Variants in KCNJ3 observed in about 807,000 individuals in gnomAD.
KCNJ3 encodes the protein G protein-activated inward rectifier potassium channel 1.
KCNJ3 carries 4 observed loss-of-function variants against 39.2 expected under a neutral mutation model. The ratio of observed to expected loss-of-function variants is 0.10; its 90% CI spans 0.05 to 0.23. The LOEUF is 0.23. KCNJ3 is among the 10% of genes least tolerant of loss of function. The pLI, the probability that KCNJ3 is intolerant of heterozygous loss-of-function variation, is 1.00. For missense variants in KCNJ3, 276 were observed against 634.9 expected (o/e 0.43, Z 6.08); for synonymous variants, 230 against 237.4 (o/e 0.97, Z 0.29).
intron 2 of KCNJ3, among the ~76,000 whole-genome samples, chr2:154,737,913 A>G (rs562342099): frequency 6.6e-6 from 1 of 152,304 alleles, no homozygotes; most frequent in East Asian, 1.9e-4. Context: ...GTATTCAAGA[A>G]GCTCAATAAA....
At chr2:154,777,225 G>A (rs1397705156) in intron 2 of KCNJ3, among the ~76,000 whole-genome samples, 1 of 152,164 alleles carries the variant, frequency 6.6e-6, no homozygotes, top group Non-Finnish European at 1.5e-5. Context: ...TGTTTGAATT[G>A]CATTGCAATA....
intron 2 of KCNJ3, among the ~76,000 whole-genome samples, chr2:154,816,461 G>T (rs1687084732): frequency 6.6e-6 from 1 of 152,110 alleles, no homozygotes; most frequent in South Asian, 2.1e-4. Context: ...TATAGTATAT[G>T]AATAAATGAA....
chr2:154,708,803 C>T (rs577734922), intron 1 of KCNJ3, among the ~76,000 whole-genome samples: 5 of 152,154 alleles, frequency 3.3e-5, no homozygotes, highest in Admixed American at 1.3e-4. Context: ...TGATTTATAC[C>T]GAAACTGAAT....
chr2:154,782,788 G>A (rs760230165), intron 2 of KCNJ3, among the ~76,000 whole-genome samples: 5 of 151,992 alleles, frequency 3.3e-5, no homozygotes, highest in African/African-American at 4.8e-5. Flanking sequence ...TCAGTTGGCC[G>A]GAGTGTATAC....
Position 154,781,016 on chromosome 2 carries a change from G to A in KCNJ3, c.919+71197G>A, listed in dbSNP as rs142167769. Reference sequence around the variant, plus strand: ...CTTGGAAAGGGCTTTCACTGTAATCGCAGTTGGTCCTTAAATGAGGACGAG... The same window carrying A: ...CTTGGAAAGGGCTTTCACTGTAATCACAGTTGGTCCTTAAATGAGGACGAG... On this transcript the variant is annotated intron_variant, in intron 2 of 2. Coordinates refer to ENST00000295101, the MANE Select transcript of KCNJ3 (RefSeq NM_002239.4). Among the ~76,000 whole-genome samples, 1,499 of 152,192 alleles carry A rather than the reference G, an allele frequency of 9.8e-3. 18 individuals are homozygous for A. Among genetic ancestry groups the A allele is most frequent in the Non-Finnish European group, 0.017 (1,141 of 68,010 alleles).
chr2:154,788,826 A>G (rs1422648170), intron 2 of KCNJ3, among the ~76,000 whole-genome samples: 3 of 151,836 alleles, frequency 2.0e-5, no homozygotes, highest in African/African-American at 7.3e-5. Context: ...AATATATTTG[A>G]AAGGATAATT....
chr2:154,741,372 T>A (rs1685651955), intron 2 of KCNJ3, among the ~76,000 whole-genome samples: 1 of 152,052 alleles, frequency 6.6e-6, no homozygotes, highest in East Asian at 1.9e-4. Flanking sequence ...TCAAACTACC[T>A]TTTAAACAAA....
At chr2:154,765,527 A>T (rs978316243) in intron 2 of KCNJ3, among the ~76,000 whole-genome samples, 1 of 152,222 alleles carries the variant, frequency 6.6e-6, no homozygotes, top group Non-Finnish European at 1.5e-5. Flanking sequence ...GGCACTCAGT[A>T]TGCATTTGTG....
chr2:154,747,749 A>G (rs917455525), intron 2 of KCNJ3, among the ~76,000 whole-genome samples: 7 of 152,208 alleles, frequency 4.6e-5, no homozygotes, highest in African/African-American at 1.7e-4. Flanking sequence ...TGGAAGTGGA[A>G]AAACCTTCAG....
At chr2:154,708,462 C>G (rs1574429223) in intron 1 of KCNJ3, among the ~76,000 whole-genome samples, 1 of 152,074 alleles carries the variant, frequency 6.6e-6, no homozygotes, top group African/African-American at 2.4e-5. Flanking sequence ...ACCAGTCTTA[C>G]AGATTGTTTT....
chr2:154,769,923 G>T (rs1022442130), intron 2 of KCNJ3, among the ~76,000 whole-genome samples: 2 of 151,964 alleles, frequency 1.3e-5, no homozygotes, highest in Non-Finnish European at 2.9e-5. Flanking sequence ...TTGCTTATTG[G>T]TATCATTCCT....
At chr2:154,789,936 A>G (rs1209077269) in intron 2 of KCNJ3, among the ~76,000 whole-genome samples, 1 of 152,122 alleles carries the variant, frequency 6.6e-6, no homozygotes, top group Non-Finnish European at 1.5e-5. Context: ...GAGTTCTTTA[A>G]TAGGAATATG....
At chr2:154,826,455 G>C (rs922160155) in intron 2 of KCNJ3, among the ~76,000 whole-genome samples, 1 of 152,144 alleles carries the variant, frequency 6.6e-6, no homozygotes, top group South Asian at 2.1e-4. Flanking sequence ...GAAGACACTA[G>C]TCATTTGCAG....
chr2:154,802,283 T>C (rs1686833387), intron 2 of KCNJ3, among the ~76,000 whole-genome samples: 1 of 152,070 alleles, frequency 6.6e-6, no homozygotes, highest in East Asian at 1.9e-4. Flanking sequence ...TGTGCTGTAA[T>C]GTTCCATAGA....
chr2:154,833,764 A>G (rs1263330518), intron 2 of KCNJ3, among the ~76,000 whole-genome samples: 1 of 152,178 alleles, frequency 6.6e-6, no homozygotes, highest in Non-Finnish European at 1.5e-5. Context: ...CATTTTCTAG[A>G]ATGTTATATA....
At chr2:154,715,893 G>A (rs1485644333) in intron 2 of KCNJ3, among the ~76,000 whole-genome samples, 1 of 151,840 alleles carries the variant, frequency 6.6e-6, no homozygotes, top group Non-Finnish European at 1.5e-5. Flanking sequence ...TTTTTAATAA[G>A]GTTAAATACT....
At chr2:154,813,402 A>G (rs554248881) in intron 2 of KCNJ3, among the ~76,000 whole-genome samples, 15 of 152,292 alleles carry the variant, frequency 9.8e-5, no homozygotes, top group Admixed American at 9.2e-4. Context: ...TTCATCATGC[A>G]TGGAGCCCTG....
Position 154,699,355 on chromosome 2 carries a change from C to T in KCNJ3, c.580C>T (p.Leu194Phe). The T allele has an allele frequency of 6.2e-7, 1 of 1,613,074 alleles. No individual in the cohort carries two copies. ...MSQPKKRAET[L>F]MFSEHAVISM... ...CCAGCCCAAGAAGCGCGCCGAGACCCTCATGTTCAGCGAGCACGCGGTGAT... is the reference window on the plus strand; with the variant it reads ...CCAGCCCAAGAAGCGCGCCGAGACCTTCATGTTCAGCGAGCACGCGGTGAT... Residue 194 changes from leucine (L) to phenylalanine (F), a missense_variant, in exon 1 of 3, where the codon CTC becomes TTC. Coordinates refer to ENST00000295101, the MANE Select transcript of KCNJ3 (RefSeq NM_002239.4). This position sits in a 1 kb window ranked among gnomAD's most constrained non-coding sequence, Gnocchi z 6.4.
chr2:154,705,352 G>A (rs1269865621), intron 1 of KCNJ3, among the ~76,000 whole-genome samples: 1 of 152,142 alleles, frequency 6.6e-6, no homozygotes, highest in East Asian at 1.9e-4. Flanking sequence ...GTATATGTAT[G>A]TGTGTGTCTG....
Sources: allele counts gnomAD v4.1 joint callset (sites outside exome capture counted in the v4.1 genomes callset), GRCh38; gene constraint gnomAD v4.1.1; non-coding constraint Gnocchi (gnomAD v3.1); transcripts MANE v1.5; gene names NCBI Gene and HGNC (gene_info 2026-07-23, HGNC 2026-07-21).